Variants in CFAP77 observed in about 807,000 individuals in gnomAD.
The protein encoded by CFAP77 is cilia and flagella associated protein 77.
In CFAP77, 25 loss-of-function variants were observed where a neutral mutation model predicts 31.1. That is an observed-to-expected ratio of 0.80 (90% CI 0.59 to 1.12). CFAP77 has a LOEUF of 1.12. CFAP77 is among the 50% of genes most tolerant of loss of function. CFAP77 has a pLI of 0.00. For synonymous variants in CFAP77, 151 were observed against 159.9 expected, an observed-to-expected ratio of 0.94 and a Z score of 0.42; for missense variants, 377 against 397.3, an observed-to-expected ratio of 0.95 and a Z score of 0.44.
intron 3 of CFAP77, among the ~76,000 whole-genome samples, chr9:132,510,728 C>T (rs1852021983): frequency 6.6e-6 from 1 of 152,142 alleles, no homozygotes; most frequent in Non-Finnish European, 1.5e-5. Flanking sequence ...GAGCTGCACG[C>T]TGGGCCCCAT....
At chr9:132,562,436 T>C (rs1447775198) in intron 5 of CFAP77, among the ~76,000 whole-genome samples, 2 of 152,224 alleles carry the variant, frequency 1.3e-5, no homozygotes, top group Non-Finnish European at 2.9e-5. Context: ...TTCACACATA[T>C]GCTGGAGCTA....
rs373229076 is a variant in CFAP77, at chr9:132,525,818, C to T, written c.525-11783C>T. 3.9e-5 allele frequency among the ~76,000 whole-genome samples: 6 copies of T among 152,198 alleles called. No individual in the cohort carries two copies. In the East Asian group the frequency reaches 5.8e-4, roughly 15 times the overall value. On this transcript the variant is annotated intron_variant, in intron 3 of 5. Transcript: ENST00000393216. ...ATGTTAAATATATGGAATCACACAG[C>T]GTGTAACCTTTTGAGGTTGGCCTTT...
chr9:132,447,920 T>C (rs934466377), intron 1 of CFAP77, among the ~76,000 whole-genome samples: 20 of 152,142 alleles, frequency 1.3e-4, no homozygotes, highest in African/African-American at 4.8e-4. Context: ...GCAGTGAGAT[T>C]ATTTGTTTTA....
At chr9:132,451,064 C>T (rs188030389) in intron 1 of CFAP77, among the ~76,000 whole-genome samples, 103 of 152,196 alleles carry the variant, frequency 6.8e-4, no homozygotes, top group African/African-American at 2.1e-3. Flanking sequence ...GGTCCGGGCA[C>T]GGTGCCTCAC....
At chr9:132,446,193 A>G (rs1850711444) in intron 1 of CFAP77, among the ~76,000 whole-genome samples, 1 of 152,122 alleles carries the variant, frequency 6.6e-6, no homozygotes, top group African/African-American at 2.4e-5. Flanking sequence ...ATTTTTCATT[A>G]TGGAAAAAAA....
In CFAP77 at chr9:132,482,368, A is replaced by G. The variant is rs767763161; in HGVS notation, c.196-16327A>G. 3.1e-5 allele frequency: 50 copies of G among 1,613,914 alleles called. No homozygotes were observed. Among genetic ancestry groups the G allele is most frequent in the Non-Finnish European group, 3.9e-5 (46 of 1,179,990 alleles). On this transcript the variant is annotated intron_variant, in intron 1 of 5. Coordinates refer to ENST00000393216, the MANE Select transcript of CFAP77 (RefSeq NM_001282957.2). ...TCTGTTTATGACTCCTCAGCGGTGC[A>G]GAAAGTTATTCCTTCCCTTGCTGGA...
At chr9:132,559,069 G>A (rs535866478) in intron 5 of CFAP77, among the ~76,000 whole-genome samples, 6 of 151,852 alleles carry the variant, frequency 4.0e-5, no homozygotes, top group Non-Finnish European at 5.9e-5. Context: ...ATGGGTGGCC[G>A]GGCACAGTGG....
chr9:132,472,082 G>T (rs1373323610), intron 1 of CFAP77, among the ~76,000 whole-genome samples: 1 of 152,136 alleles, frequency 6.6e-6, no homozygotes, highest in Non-Finnish European at 1.5e-5. Context: ...GACCTTTGCA[G>T]ATCCCCCCGC....
chr9:132,479,045 G>C (rs576534041), intron 1 of CFAP77, among the ~76,000 whole-genome samples: 1 of 152,176 alleles, frequency 6.6e-6, no homozygotes, highest in East Asian at 1.9e-4. Flanking sequence ...ACCATCGCTG[G>C]AGTCTTTTAC....
chr9:132,519,524 A>G (rs62649746), intron 3 of CFAP77, among the ~76,000 whole-genome samples: 891 of 23,596 alleles, frequency 0.038, no homozygotes, highest in Middle Eastern at 0.062. Flanking sequence ...GGGTGGGTAG[A>G]TGGATGGATG....
chr9:132,568,564 A>G (rs1829917442), intron 5 of CFAP77, among the ~76,000 whole-genome samples: 1 of 152,002 alleles, frequency 6.6e-6, no homozygotes, highest in South Asian at 2.1e-4. Flanking sequence ...CTCAAAAAAA[A>G]AAAAAAAAAA....
chr9:132,513,338 A>G, intron 3 of CFAP77: 1 of 1,546,332 alleles, frequency 6.5e-7, no homozygotes, highest in Non-Finnish European at 8.7e-7. Context: ...TTAGCACGCT[A>G]ACCATCTGGC....
intron 1 of CFAP77, among the ~76,000 whole-genome samples, chr9:132,458,342 C>CCGGGGGG (rs1554738845): frequency 1.4e-5 from 1 of 71,198 alleles, no homozygotes; most frequent in African/African-American, 5.5e-5. Context: ...GTCTCCCTGG[C>CCGGGGGG]GGGGGAGGGG....
chr9:132,540,771 C>T (rs1852626174), intron 4 of CFAP77, among the ~76,000 whole-genome samples: 2 of 152,128 alleles, frequency 1.3e-5, no homozygotes, highest in Non-Finnish European at 2.9e-5. Context: ...TCAGGATGTT[C>T]TTTACCTGTA....
At chr9:132,466,511 A>G (rs1340073746) in intron 1 of CFAP77, among the ~76,000 whole-genome samples, 1 of 152,152 alleles carries the variant, frequency 6.6e-6, no homozygotes, top group African/African-American at 2.4e-5. Flanking sequence ...CAAATGTCGC[A>G]TTGCCCTCTG....
At chr9:132,523,125 T>C (rs1414822824) in intron 3 of CFAP77, among the ~76,000 whole-genome samples, 1 of 151,570 alleles carries the variant, frequency 6.6e-6, no homozygotes, top group Non-Finnish European at 1.5e-5. Flanking sequence ...TTTCACTCTG[T>C]TGTCCAGGCT....
intron 3 of CFAP77, among the ~76,000 whole-genome samples, chr9:132,500,551 A>G (rs1317475276): frequency 6.6e-6 from 1 of 152,246 alleles, no homozygotes; most frequent in African/African-American, 2.4e-5. Flanking sequence ...AGTGAAATGC[A>G]CAAATCGTGA....
At chr9:132,463,081 A>T (rs1167373249) in intron 1 of CFAP77, among the ~76,000 whole-genome samples, 3 of 152,134 alleles carry the variant, frequency 2.0e-5, no homozygotes, top group Non-Finnish European at 2.9e-5. Flanking sequence ...CATACAGAAG[A>T]AGTATATAAG....
chr9:132,544,804 G>A (rs111261778), intron 5 of CFAP77, among the ~76,000 whole-genome samples: 8,600 of 152,154 alleles, frequency 0.057, 340 homozygotes, highest in Middle Eastern at 0.16. Flanking sequence ...CTACCTCCCT[G>A]CTCCTTTCTC....
Sources: allele counts gnomAD v4.1 joint callset (sites outside exome capture counted in the v4.1 genomes callset), GRCh38; gene constraint gnomAD v4.1.1; transcripts MANE v1.5; gene names NCBI Gene and HGNC (gene_info 2026-07-23, HGNC 2026-07-21).